The following GPR139 variants were observed in gnomAD, a reference collection of about 807,000 sequenced individuals.
GPR139 encodes probable G protein-coupled receptor 139.
In GPR139, 12 loss-of-function variants were observed where a neutral mutation model predicts 25.8. That is an observed-to-expected ratio of 0.47 (90% CI 0.30 to 0.75). The LOEUF (loss-of-function observed/expected upper bound fraction) is 0.75, where lower values mean the gene tolerates loss of function less well. GPR139 is among the 30% of genes least tolerant of loss of function. The probability of loss-of-function intolerance (pLI) is 0.07; values close to 1 mark genes in which losing one functional copy is unlikely to be tolerated. For synonymous variants in GPR139, 184 were observed against 179.9 expected, an observed-to-expected ratio of 1.02 and a Z score of -0.18; for missense variants, 380 against 450.2, an observed-to-expected ratio of 0.84 and a Z score of 1.41.
intron 1 of GPR139, among the ~76,000 whole-genome samples, chr16:20,049,932 C>A (rs56204584): frequency 0.081 from 12,392 of 152,236 alleles, 586 homozygotes; most frequent in Non-Finnish European, 0.11. Flanking sequence ...AGCATTTTGC[C>A]TTATTCATCA....
chr16:20,047,796 G>C (rs1214604797), intron 1 of GPR139, among the ~76,000 whole-genome samples: 1 of 152,208 alleles, frequency 6.6e-6, no homozygotes, highest in Non-Finnish European at 1.5e-5. Context: ...TGCCCCTGCA[G>C]CCTTCTAGCT....
chr16:20,070,061 G>C (rs981578593), intron 1 of GPR139, among the ~76,000 whole-genome samples: 3 of 152,200 alleles, frequency 2.0e-5, no homozygotes, highest in Non-Finnish European at 4.4e-5. Context: ...ACAACTGCCT[G>C]GCATTAATGA....
chr16:20,068,762 C>T (rs2141216306), intron 1 of GPR139, among the ~76,000 whole-genome samples: 1 of 152,208 alleles, frequency 6.6e-6, no homozygotes, highest in East Asian at 1.9e-4. Flanking sequence ...TATAGATGCC[C>T]TTTATCAAGT....
At position 20,060,546 on chromosome 16, in the gene GPR139, C is replaced by T. The variant is rs150163729; in HGVS notation, c.127+12944G>A. Among the ~76,000 whole-genome samples the T allele has an allele frequency of 2.6e-3, 397 of 152,172 alleles. 3 individuals are homozygous for T. Among genetic ancestry groups the T allele is most frequent in the Middle Eastern group, 0.021 (6 of 292 alleles). ...GGCTGATCGCTTGCTTTGCACTTAG[C>T]TGAAAATAGGAAATGTCTGTGGCTG... On this transcript the variant is annotated intron_variant, in intron 1 of 1. Transcript: ENST00000570682.
At chr16:20,039,178 C>T (rs1033946963) in intron 1 of GPR139, among the ~76,000 whole-genome samples, 7 of 152,164 alleles carry the variant, frequency 4.6e-5, no homozygotes, top group Non-Finnish European at 1.0e-4. Context: ...ATTCATTTCC[C>T]GTATTTTGCA....
At chr16:20,067,314 G>T (rs1439121014) in intron 1 of GPR139, among the ~76,000 whole-genome samples, 1 of 152,116 alleles carries the variant, frequency 6.6e-6, no homozygotes, top group Non-Finnish European at 1.5e-5. Context: ...GCAGAACCTG[G>T]CTCTCCTGGG....
intron 1 of GPR139, among the ~76,000 whole-genome samples, chr16:20,052,308 CT>C (rs1244168948): frequency 6.6e-6 from 1 of 152,184 alleles, no homozygotes; most frequent in Non-Finnish European, 1.5e-5. Flanking sequence ...TTCCTTTTTC[CT>C]CTGCGATACC....
intron 1 of GPR139, 122 bp from the exon 2 acceptor site, chr16:20,032,791 C>G: frequency 3.0e-6 from 2 of 656,782 alleles, no homozygotes; most frequent in Non-Finnish European, 5.3e-6. Context: ...TGAATCAATG[C>G]TTTTGAGGGA....
chr16:20,033,571 GCTTGGATTTTAGGACCTTTC>G (rs1395119817), intron 1 of GPR139, among the ~76,000 whole-genome samples: 1 of 152,158 alleles, frequency 6.6e-6, no homozygotes, highest in African/African-American at 2.4e-5. Context: ...CCTCTTCAGA[GCTTGGATTTTAGGACCTTTC>G]CTTTTTAAGT....
intron 1 of GPR139, among the ~76,000 whole-genome samples, chr16:20,041,113 A>C (rs1395852905): frequency 2.8e-4 from 1 of 3,516 alleles, no homozygotes; most frequent in African/African-American, 3.4e-3. Flanking sequence ...CTGACCCAGA[A>C]AGGAAAGGAA....
chr16:20,057,700 A>G (rs1381899026), intron 1 of GPR139, among the ~76,000 whole-genome samples: 1 of 152,048 alleles, frequency 6.6e-6, no homozygotes, highest in Non-Finnish European at 1.5e-5. Flanking sequence ...TGGAGTCAAG[A>G]GTTGACTTAG....
At chr16:20,038,325 A>ATGTGTGTGTGTGTGTG (rs748458775) in intron 1 of GPR139, among the ~76,000 whole-genome samples, 1 of 48,856 alleles carries the variant, frequency 2.0e-5, no homozygotes, top group East Asian at 8.1e-4. Flanking sequence ...TGGATAATAT[A>ATGTGTGTGTGTGTGTG]TATATGTGTG....
At chr16:20,044,332 G>T (rs2141205772) in intron 1 of GPR139, among the ~76,000 whole-genome samples, 1 of 152,296 alleles carries the variant, frequency 6.6e-6, no homozygotes, top group Non-Finnish European at 1.5e-5. Context: ...TCTCAGGTTT[G>T]TCAGGAGATG....
At chr16:20,057,926 T>C (rs1046008620) in intron 1 of GPR139, among the ~76,000 whole-genome samples, 8 of 152,208 alleles carry the variant, frequency 5.3e-5, no homozygotes, top group South Asian at 2.1e-4. Flanking sequence ...AAAAGCCATT[T>C]CATGTGCATC....
At position 20,070,020 on chromosome 16, in the gene GPR139, G is replaced by T. The variant is rs2057454307; in HGVS notation, c.127+3470C>A. On this transcript the variant is annotated intron_variant, in intron 1 of 1. Coordinates refer to ENST00000570682, the MANE Select transcript of GPR139 (RefSeq NM_001002911.4). ...GTGGGACACCGATTTTCTCCACAGA[G>T]CACAGAAAGGAGGGACAGAGGTTAG... Among the ~76,000 whole-genome samples the T allele has an allele frequency of 2.0e-5, 3 of 152,358 alleles. No homozygotes were observed. The South Asian group carries it at 6.2e-4, about 32-fold the overall frequency.
At chr16:20,048,736 C>T (rs528102247) in intron 1 of GPR139, among the ~76,000 whole-genome samples, 1 of 152,200 alleles carries the variant, frequency 6.6e-6, no homozygotes, top group African/African-American at 2.4e-5. Context: ...CATCCCAATA[C>T]ACAGGGTGGT....
At chr16:20,060,533 G>C (rs905236706) in intron 1 of GPR139, among the ~76,000 whole-genome samples, 2 of 152,132 alleles carry the variant, frequency 1.3e-5, no homozygotes, top group South Asian at 4.2e-4. Flanking sequence ...CTGATCGCTT[G>C]CTTTGCACTT....
intron 1 of GPR139, among the ~76,000 whole-genome samples, chr16:20,061,099 A>T (rs574930257): frequency 1.5e-4 from 23 of 152,166 alleles, no homozygotes; most frequent in African/African-American, 5.3e-4. Flanking sequence ...TGTAAATGCC[A>T]CAAGGGCAAA....
rs189206539 is a variant in GPR139 at position 20,040,993 on chromosome 16, A to G, written c.128-8324T>C. 2.3e-3 allele frequency among the ~76,000 whole-genome samples: 348 copies of G among 151,142 alleles called. 3 individuals carry two copies. Among genetic ancestry groups the G allele is most frequent in the Non-Finnish European group, 4.5e-3 (303 of 67,866 alleles). On this transcript the variant is annotated intron_variant, in intron 1 of 1. Coordinates refer to ENST00000570682, the MANE Select transcript of GPR139 (RefSeq NM_001002911.4). ...AAGCCACTTACCCCTTTCAGTCACA[A>G]TCCCCTGTGACTTAAAAGCATCTCT...
Sources: gnomAD v4.1 joint callset for allele counts (sites outside exome capture counted in the v4.1 genomes callset) on GRCh38, gnomAD v4.1.1 for gene constraint, MANE v1.5 for transcripts, NCBI Gene and HGNC (gene_info 2026-07-23, HGNC 2026-07-21) for gene names.